DCAF6: variants seen among roughly 807,000 people sequenced by gnomAD.
DCAF6 encodes DDB1 and CUL4 associated factor 6.
Under a neutral mutation model 125.1 loss-of-function variants are expected in DCAF6, and 54 were observed. That is an observed-to-expected ratio of 0.43 (90% CI 0.35 to 0.54). The LOEUF (loss-of-function observed/expected upper bound fraction) is 0.54. Ranked by LOEUF, DCAF6 falls within the 20% of genes least tolerant of loss-of-function variation. The pLI, the probability that DCAF6 is intolerant of heterozygous loss-of-function variation, is 0.01. For synonymous variants in DCAF6, 371 were observed against 390.4 expected, an observed-to-expected ratio of 0.95 and a Z score of 0.58; for missense variants, 934 against 1,161.7, an observed-to-expected ratio of 0.80 and a Z score of 2.85.
chr1:168,009,472 C>T (rs72699731), intron 10 of DCAF6, among the ~76,000 whole-genome samples: 72 of 46,322 alleles, frequency 1.6e-3, no homozygotes, highest in Admixed American at 3.6e-3. Context: ...CTTCCTTCCT[C>T]CCTCCCTCCC....
At chr1:167,901,871 C>G in the DCAF6 span, 2 of 1,613,020 alleles carry the variant, frequency 1.2e-6, no homozygotes, top group Admixed American at 3.3e-5. Context: ...TGTATGAGAT[C>G]TGTATAGAAA....
chr1:167,979,391 T>A (rs1018008148), intron 4 of DCAF6, among the ~76,000 whole-genome samples: 12 of 152,202 alleles, frequency 7.9e-5, no homozygotes, highest in African/African-American at 2.4e-4. Context: ...CTTATCCTAG[T>A]CCCTGGCAAC....
At chr1:167,897,261 A>C in the DCAF6 span, among the ~76,000 whole-genome samples, 6 of 150,724 alleles carry the variant, frequency 4.0e-5, no homozygotes, top group Non-Finnish European at 8.9e-5. Context: ...TGAGGTGGGC[A>C]GATTGCTTGA....
the DCAF6 span, among the ~76,000 whole-genome samples, chr1:167,911,911 T>C: frequency 6.6e-6 from 1 of 152,170 alleles, no homozygotes; most frequent in Non-Finnish European, 1.5e-5. Context: ...TACATGCATT[T>C]TGAGATTAAG....
chr1:168,029,956 G>A (rs539239897), intron 12 of DCAF6, among the ~76,000 whole-genome samples: 1 of 151,534 alleles, frequency 6.6e-6, no homozygotes, highest in South Asian at 2.1e-4. Flanking sequence ...CTCCAGCCTG[G>A]GTGACAGAGC....
At chr1:167,977,398 A>T (rs896930382) in intron 4 of DCAF6, among the ~76,000 whole-genome samples, 1 of 151,986 alleles carries the variant, frequency 6.6e-6, no homozygotes, top group Non-Finnish European at 1.5e-5. Context: ...ACTGTATTTC[A>T]GATGGTATTC....
In DCAF6 at chr1:167,997,550, T is replaced by C. The variant is rs116140231; in HGVS notation, c.903+4110T>C. On this transcript the variant is annotated intron_variant, in intron 7 of 21. Transcript: ENST00000367840. The stretch of plus-strand genomic sequence containing the variant: ...TTTGCTCAGGATGCAAAGATTTTTT[T>C]CTATTCATGTTACTAGGTATGGTTT... Among the ~76,000 whole-genome samples, 925 of 152,300 alleles carry C rather than the reference T, an allele frequency of 6.1e-3. 5 individuals are homozygous for C. Among genetic ancestry groups the C allele is most frequent in the African/African-American group, 0.021 (890 of 41,570 alleles).
In DCAF6 at chr1:168,045,036, T is replaced by C. The variant is rs1016315004; in HGVS notation, c.2067T>C (p.Asp689=). 6.2e-7 allele frequency: 1 copy of C among 1,613,902 alleles called. No individual in the cohort carries two copies. The highest frequency in any genetic ancestry group is 1.3e-5 in the African/African-American group (1 of 74,904). Residue 689 remains aspartate, a synonymous_variant, in exon 16 of 22, where the codon GAT becomes GAC. Coordinates refer to ENST00000367840, the MANE Select transcript of DCAF6 (RefSeq NM_001198956.2). ...AAGCCAAGGAACCAGAAACTTCAGA[T>C]CAGACTAGCACTGAGAGTGCTACCA... ...SEKAKEPETS[D]QTSTESATNE...
chr1:167,984,302 A>G (rs958180981), intron 4 of DCAF6, among the ~76,000 whole-genome samples: 4 of 152,198 alleles, frequency 2.6e-5, no homozygotes, highest in African/African-American at 9.6e-5. Context: ...GGAAGGTTAA[A>G]TTGTGAGGAA....
intron 10 of DCAF6, among the ~76,000 whole-genome samples, chr1:168,008,472 T>A (rs1420166485): frequency 6.6e-6 from 1 of 151,838 alleles, no homozygotes; most frequent in Non-Finnish European, 1.5e-5. Flanking sequence ...ATAACCTGGG[T>A]CTTTTCATCT....
rs1438873571 is a variant in DCAF6, at chr1:167,939,105, GC to G, written c.97+2098del. ...AAAGTATCGAAACTTGAAAATGTTT[GC>G]AAAGAACTAATTTATTGGCCTTTAC... On this transcript the variant is annotated intron_variant, in intron 1 of 21. Transcript: ENST00000367840. Among the ~76,000 whole-genome samples, 5 of 152,214 alleles carry G rather than the reference GC, an allele frequency of 3.3e-5. No individual in the cohort carries two copies. In the South Asian group the frequency reaches 1.0e-3, roughly 32 times the overall value.
At chr1:167,949,305 A>G (rs1278838150) in intron 1 of DCAF6, among the ~76,000 whole-genome samples, 1 of 152,192 alleles carries the variant, frequency 6.6e-6, no homozygotes, top group Non-Finnish European at 1.5e-5. Flanking sequence ...CAGAGGCACT[A>G]GTCGTTTTGT....
At chr1:167,919,516 A>G in the DCAF6 span, among the ~76,000 whole-genome samples, 4 of 152,244 alleles carry the variant, frequency 2.6e-5, no homozygotes, top group South Asian at 2.1e-4. Context: ...ACACTTTCCA[A>G]TGAAAGCAAA....
chr1:167,952,186 T>C (rs1283666526), intron 2 of DCAF6, among the ~76,000 whole-genome samples: 2 of 151,916 alleles, frequency 1.3e-5, no homozygotes, highest in African/African-American at 4.8e-5. Context: ...TTTTTTTTCA[T>C]ACTTTTTTTT....
chr1:167,866,750 TAAAA>T, the DCAF6 span, among the ~76,000 whole-genome samples: 2 of 123,096 alleles, frequency 1.6e-5, no homozygotes, highest in Non-Finnish European at 1.8e-5. Flanking sequence ...AAAGTTCACT[TAAAA>T]AAAAAAAAAA....
intron 12 of DCAF6, among the ~76,000 whole-genome samples, chr1:168,032,028 G>A (rs1687165297): frequency 2.0e-5 from 3 of 152,156 alleles, no homozygotes; most frequent in African/African-American, 7.2e-5. Context: ...ACATATTTAA[G>A]TTCAATTCAC....
chr1:167,948,645 A>G (rs1255845611), intron 1 of DCAF6, among the ~76,000 whole-genome samples: 4 of 152,058 alleles, frequency 2.6e-5, no homozygotes, highest in Non-Finnish European at 5.9e-5. Context: ...TACATTCACC[A>G]TGTGTTATTT....
At chr1:167,864,243 C>G in the DCAF6 span, among the ~76,000 whole-genome samples, 1 of 151,994 alleles carries the variant, frequency 6.6e-6, no homozygotes, top group Non-Finnish European at 1.5e-5. Flanking sequence ...TGTTTTGTCT[C>G]GAAGAAACAT....
At chr1:168,040,726 T>A (rs575835133) in intron 13 of DCAF6, among the ~76,000 whole-genome samples, 5 of 151,578 alleles carry the variant, frequency 3.3e-5, no homozygotes, top group African/African-American at 1.2e-4. Context: ...GGGCTTTTTT[T>A]TTTTTTAGAG....
Sources: gnomAD v4.1 joint callset for allele counts (sites outside exome capture counted in the v4.1 genomes callset) on GRCh38, gnomAD v4.1.1 for gene constraint, MANE v1.5 for transcripts, NCBI Gene and HGNC (gene_info 2026-07-23, HGNC 2026-07-21) for gene names.